The following ANGPT4 variants were observed in gnomAD, a reference collection of about 807,000 sequenced individuals.
ANGPT4 encodes the protein angiopoietin-4.
In ANGPT4, 50 loss-of-function variants were observed where a neutral mutation model predicts 53.0. The ratio of observed to expected loss-of-function variants is 0.94; its 90% CI spans 0.75 to 1.20. The LOEUF (loss-of-function observed/expected upper bound fraction) is 1.20, where lower values mean the gene tolerates loss of function less well. ANGPT4 is among the 50% of genes most tolerant of loss of function. The pLI, the probability that ANGPT4 is intolerant of heterozygous loss-of-function variation, is 0.00. For synonymous variants in ANGPT4, 251 were observed against 259.7 expected (o/e 0.97, Z 0.32); for missense variants, 648 against 637.1 (o/e 1.02, Z -0.18).
chr20:914,382 G>C lies in ANGPT4; in HGVS notation c.309+1524C>G, dbSNP rs886781937. On this transcript the variant is annotated intron_variant, in intron 1 of 8. Transcript: ENST00000381922. This position sits in a 1 kb window ranked among gnomAD's most constrained non-coding sequence, Gnocchi z 5.0. ...TGGCGCTGGAGAGGATAGGAGGCTG[G>C]GGTAAGCAAAGTGGGAGTCTGGGAG... Among the ~76,000 whole-genome samples, 5 of 152,110 alleles carry C rather than the reference G, an allele frequency of 3.3e-5. No homozygotes were observed. The highest frequency in any genetic ancestry group is 7.4e-5 in the Non-Finnish European group (5 of 68,014).
At chr20:892,032 C>T (rs948829016) in intron 1 of ANGPT4, among the ~76,000 whole-genome samples, 6 of 152,142 alleles carry the variant, frequency 3.9e-5, no homozygotes, top group Admixed American at 3.9e-4. Context: ...AGAGTAGCAG[C>T]AGGGACTGAA....
intron 7 of ANGPT4, among the ~76,000 whole-genome samples, chr20:875,507 G>A (rs1373078564): frequency 1.3e-5 from 2 of 152,226 alleles, no homozygotes; most frequent in Non-Finnish European, 2.9e-5. Flanking sequence ...CAGAAAGCCT[G>A]GATTCAAATT....
chr20:876,445 G>A lies in ANGPT4; in HGVS notation c.1220+1716C>T, dbSNP rs75090326. ...ACTATGTCTGGGGATGGGAACAGCC[G>A]TGCTCCCAGAAAGCAGTCCAGTCAA... On this transcript the variant is annotated intron_variant, in intron 7 of 8. Transcript: ENST00000381922. Among the ~76,000 whole-genome samples the A allele has an allele frequency of 3.7e-3, 570 of 152,282 alleles. 8 individuals carry two copies. The highest frequency in any genetic ancestry group is 0.013 in the African/African-American group (535 of 41,552).
rs576962291 is a variant in ANGPT4 at position 898,493 on chromosome 20, T to A, written c.310-8125A>T. On this transcript the variant is annotated intron_variant, in intron 1 of 8. Transcript: ENST00000381922. ...GGCCCACTTAGCAGCTACCATTAGATGCTTCACAGCCCTAGACCCAGAGGG... is the reference window on the plus strand; with the variant it reads ...GGCCCACTTAGCAGCTACCATTAGAAGCTTCACAGCCCTAGACCCAGAGGG... Among the ~76,000 whole-genome samples, 14 of 152,342 alleles carry A rather than the reference T, an allele frequency of 9.2e-5. No homozygotes were observed. In the South Asian group the frequency reaches 2.9e-3, roughly 32 times the overall value.
At chr20:892,573 T>A (rs1981888230) in intron 1 of ANGPT4, among the ~76,000 whole-genome samples, 1 of 144,904 alleles carries the variant, frequency 6.9e-6, no homozygotes, top group Non-Finnish European at 1.5e-5. Context: ...CCAGCCTGGG[T>A]AACAGAGTGA....
intron 1 of ANGPT4, among the ~76,000 whole-genome samples, chr20:915,670 A>G (rs567376848): frequency 6.6e-6 from 1 of 152,266 alleles, no homozygotes; most frequent in Non-Finnish European, 1.5e-5. Context: ...GCCCTTGGTC[A>G]GGGCTGAATG....
rs553266630 is a variant in ANGPT4 at position 870,042 on chromosome 20, G to A, written c.*2918C>T. On this transcript the variant is annotated 3_prime_UTR_variant, in exon 9 of 9. Transcript: ENST00000381922. ...GATCCTGGCTGAGAATGAAGTCAAC[G>A]GGGCAGATGGAGGGGCTGAGAGGTG... is the stretch of plus-strand genomic sequence containing the variant. The A allele has an allele frequency of 1.3e-5, 2 of 152,448 alleles. No homozygotes were observed. The highest frequency in any genetic ancestry group is 4.8e-5 in the African/African-American group (2 of 41,578). 9.4% of individuals were successfully genotyped at this position (152,448 alleles called of 1,614,324 possible).
chr20:878,015 C>T, intron 7 of ANGPT4, 146 bp downstream of exon 7: 1 of 883,518 alleles, frequency 1.1e-6, no homozygotes, highest in Non-Finnish European at 1.6e-6. Context: ...CCATGACGTG[C>T]ACCCAAATGG....
chr20:913,398 C>T (rs1344949171), intron 1 of ANGPT4, among the ~76,000 whole-genome samples: 1 of 152,126 alleles, frequency 6.6e-6, no homozygotes, highest in South Asian at 2.1e-4. Flanking sequence ...GAAACCTGCT[C>T]ATCTGTAGCC....
intron 1 of ANGPT4, among the ~76,000 whole-genome samples, chr20:898,790 C>T (rs1982158523): frequency 6.6e-6 from 1 of 152,232 alleles, no homozygotes; most frequent in African/African-American, 2.4e-5. Context: ...AGTTGTTCCT[C>T]CAGGACCTCC....
chr20:886,396 T>C (rs1215977076), intron 3 of ANGPT4, among the ~76,000 whole-genome samples: 7 of 152,216 alleles, frequency 4.6e-5, no homozygotes, highest in Non-Finnish European at 7.3e-5. Context: ...CATGCAGTTA[T>C]AGAATCTTTC....
At chr20:907,406 C>T (rs1438194454) in intron 1 of ANGPT4, among the ~76,000 whole-genome samples, 1 of 152,178 alleles carries the variant, frequency 6.6e-6, no homozygotes, top group Non-Finnish European at 1.5e-5. Context: ...GCCAGGGTCC[C>T]TGCCTCCTCA....
At chr20:891,551 T>A (rs1266452335) in intron 1 of ANGPT4, among the ~76,000 whole-genome samples, 1 of 152,190 alleles carries the variant, frequency 6.6e-6, no homozygotes, top group Non-Finnish European at 1.5e-5. Context: ...TGCTGGCCTC[T>A]CACCATGCCC....
intron 4 of ANGPT4, among the ~76,000 whole-genome samples, chr20:882,277 C>G (rs1981438823): frequency 1.3e-5 from 2 of 152,184 alleles, no homozygotes; most frequent in African/African-American, 2.4e-5. Flanking sequence ...AAAATCTCCT[C>G]TGTCTCAATT....
rs1281387697 is a variant in ANGPT4 at position 914,734 on chromosome 20, T to C, written c.309+1172A>G. Among the ~76,000 whole-genome samples the C allele has an allele frequency of 6.6e-6, 1 of 152,084 alleles. No homozygotes were observed. The highest frequency in any genetic ancestry group is 2.4e-5 in the African/African-American group (1 of 41,392). On this transcript the variant is annotated intron_variant, in intron 1 of 8. Transcript: ENST00000381922. This position sits in a 1 kb window ranked among gnomAD's most constrained non-coding sequence, Gnocchi z 5.0. ...TCCTTGGTAGCTCTCACTTAGGGACTCTGAAGAGTCCCATCTCAGACCCCC... is the reference window on the plus strand; with the variant it reads ...TCCTTGGTAGCTCTCACTTAGGGACCCTGAAGAGTCCCATCTCAGACCCCC...
chr20:884,938 G>T, intron 4 of ANGPT4, 140 bp downstream of exon 4: 1 of 1,214,558 alleles, frequency 8.2e-7, no homozygotes, highest in Non-Finnish European at 1.1e-6. Context: ...GTTTATTGTT[G>T]TTTCTATTTC....
rs943789944 is a variant in ANGPT4 at position 890,336 on chromosome 20, C to T, written c.342G>A (p.Ser114=). 8.1e-6 allele frequency: 13 copies of T among 1,613,082 alleles called. No individual in the cohort carries two copies. The highest frequency in any genetic ancestry group is 1.7e-4 in the Middle Eastern group (1 of 6,008). The change falls in exon 2 of 9, where the codon TCG becomes TCA. Residue 114 remains serine, a synonymous_variant. Transcript: ENST00000381922. ...LERAIKTILR[S]KLEQVQQQMA... is the part of the protein sequence containing the mutation. ...TTTGCTGCTGGACCTGCTCCAGCTT[C>T]GACCTCAAGATCGTCTTGATGGCCC...
In ANGPT4 at chr20:916,050, G is replaced by T; in HGVS notation, c.165C>A (p.Cys55Ter). ...CCCTGGAGACCTCAGGCCCCGGAGG[G>T]CAGGGCTCAGACTTGGGCAGCAAGA... ...YTFLLPKSEP[C>*]PPGPEVSRDS... Residue 55 changes from cysteine (C) to a stop codon, truncating the protein, a stop_gained, in exon 1 of 9, where the codon TGC becomes TGA. Coordinates refer to ENST00000381922, the MANE Select transcript of ANGPT4 (RefSeq NM_015985.4). LOFTEE classifies it high-confidence loss of function. 6.2e-7 allele frequency: 1 copy of T among 1,614,174 alleles called. No individual in the cohort carries two copies.
chr20:889,093 ACT>A lies in ANGPT4; in HGVS notation c.466-656_466-655del, dbSNP rs769297780. 7.3e-5 allele frequency among the ~76,000 whole-genome samples: 11 copies of A among 151,720 alleles called. No homozygotes were observed. In the East Asian group the frequency reaches 1.2e-3, roughly 16 times the overall value. ...ACATGCTGCATCCCTTGTCTGGAGC[ACT>A]CTCTGCAGTAAGCCTGGCTGCAGCC... is the stretch of plus-strand genomic sequence containing the variant. On this transcript the variant is annotated intron_variant, in intron 2 of 8. Transcript: ENST00000381922.
Sources: allele counts gnomAD v4.1 joint callset (sites outside exome capture counted in the v4.1 genomes callset), GRCh38; gene constraint gnomAD v4.1.1; non-coding constraint Gnocchi (gnomAD v3.1); transcripts MANE v1.5; gene names NCBI Gene and HGNC (gene_info 2026-07-23, HGNC 2026-07-21).